Variants in TRIOBP observed in about 807,000 individuals in gnomAD.
TRIOBP encodes TRIO and F-actin binding protein.
A neutral mutation model predicts 238.8 loss-of-function variants in TRIOBP; 169 were observed. The observed-to-expected ratio is 0.71, with a 90% CI of 0.62 to 0.80. The LOEUF (loss-of-function observed/expected upper bound fraction) is 0.80, where lower values mean the gene tolerates loss of function less well. TRIOBP is among the 30% of genes least tolerant of loss of function. The probability of loss-of-function intolerance (pLI) is 0.00; values close to 1 mark genes in which losing one functional copy is unlikely to be tolerated. For missense variants in TRIOBP, 2,838 were observed against 3,122.6 expected, an observed-to-expected ratio of 0.91 and a Z score of 2.17; for synonymous variants, 1,150 against 1,274.4, an observed-to-expected ratio of 0.90 and a Z score of 2.08.
At chr22:37,765,908 A>C in intron 18 of TRIOBP, 91 bp downstream of exon 18, 1 of 1,462,972 alleles carries the variant, frequency 6.8e-7, no homozygotes, top group Non-Finnish European at 9.1e-7. Flanking sequence ...TTTATCAAAT[A>C]AGATGTAGGG....
Position 37,765,803 on chromosome 22 carries a change from C to T in TRIOBP, c.6458C>T (p.Ala2153Val), listed in dbSNP as rs1926463087. ...EKEWLLAEETAATASAIEAMK... is the reference protein window; with the variant it reads ...EKEWLLAEETVATASAIEAMK... The stretch of plus-strand genomic sequence containing the variant: ...GAGTGGCTCCTGGCTGAGGAGACGG[C>T]AGCCACGGCCTCAGGTATGGACCCT... The change falls in exon 18 of 24, where the codon GCA becomes GTA. Residue 2153 changes from alanine (A) to valine (V), a missense_variant. Physicochemically the swap from Ala to Val is moderately conservative, Grantham distance 64. This residue lies in a region of TRIOBP where 2,096 missense variants were observed against 2,137.4 expected (regional missense o/e 0.98). Transcript: ENST00000644935. The T allele has an allele frequency of 1.3e-6, 2 of 1,579,510 alleles. No homozygotes were observed. The highest frequency in any genetic ancestry group is 1.7e-6 in the Non-Finnish European group (2 of 1,170,072).
intron 2 of TRIOBP, 81 bp from the exon 3 acceptor site, chr22:37,701,225 G>T (rs924552459): frequency 1.4e-6 from 1 of 695,100 alleles, no homozygotes; most frequent in East Asian, 2.8e-5. Context: ...TCCTTGTCTG[G>T]AAACTGGGGC....
At chr22:37,710,000 C>A (rs1391235187) in intron 3 of TRIOBP, among the ~76,000 whole-genome samples, 1 of 152,230 alleles carries the variant, frequency 6.6e-6, no homozygotes, top group Non-Finnish European at 1.5e-5. Context: ...CCGCAAAAGA[C>A]CCTGGTGGAT....
rs1926957335 is a variant in TRIOBP, at chr22:37,774,829, C to G, written c.*1049C>G. The G allele has an allele frequency of 7.0e-6, 1 of 142,578 alleles. No homozygotes were observed. The highest frequency in any genetic ancestry group is 1.5e-5 in the Non-Finnish European group (1 of 64,854). The allele number at this position is 142,578 out of a possible 1,614,324, so 8.8% of individuals were successfully genotyped here. A position where few individuals can be genotyped will look rare whatever the true frequency, so the allele number is the denominator to read the frequency against. On this transcript the variant is annotated 3_prime_UTR_variant, in exon 24 of 24. Transcript: ENST00000644935. ...AAGTCTGAGGAGCCCTGGAGTAGGG[C>G]CCAGGGCCCAGGCCTGAGAGAGAGG... is the stretch of plus-strand genomic sequence containing the variant.
intron 11 of TRIOBP, among the ~76,000 whole-genome samples, chr22:37,744,469 G>A (rs1286746877): frequency 6.6e-6 from 1 of 152,232 alleles, no homozygotes; most frequent in African/African-American, 2.4e-5. Flanking sequence ...ATGTAGCACT[G>A]ATCTGTCAGC....
At chr22:37,765,003 C>A (rs778461655) in intron 17 of TRIOBP, among the ~76,000 whole-genome samples, 8 of 152,226 alleles carry the variant, frequency 5.3e-5, no homozygotes, top group Non-Finnish European at 1.2e-4. Flanking sequence ...ACATTCCAGG[C>A]CGGGCACAGT....
At position 37,726,463 on chromosome 22, in the gene TRIOBP, G is replaced by C; in HGVS notation, c.3907G>C (p.Gly1303Arg). 6.4e-7 allele frequency: 1 copy of C among 1,555,030 alleles called. No homozygotes were observed. Among genetic ancestry groups the C allele is most frequent in the South Asian group, 1.2e-5 (1 of 85,678 alleles). Reference sequence around the variant, plus strand: ...CAGCGGGGGCCGCACCCACAGCCCTGGCCGTGCAGAGGTGGAGCGCCTCTT... The same window carrying C: ...CAGCGGGGGCCGCACCCACAGCCCTCGCCGTGCAGAGGTGGAGCGCCTCTT... ...CSSGGRTHSP[G>R]RAEVERLFGQ... Residue 1303 changes from glycine (G) to arginine (R), a missense_variant, in exon 7 of 24, where the codon GGC becomes CGC. Gly to Arg is a moderately radical substitution (Grantham distance 125, BLOSUM62 -2). Transcript: ENST00000644935.
At chr22:37,744,968 C>T (rs911849220) in intron 11 of TRIOBP, among the ~76,000 whole-genome samples, 2 of 152,042 alleles carry the variant, frequency 1.3e-5, no homozygotes, top group African/African-American at 4.8e-5. Context: ...CGGGTTCAAG[C>T]GATTCTCCTG....
intron 18 of TRIOBP, 40 bp from the exon 19 acceptor site, chr22:37,768,034 C>T (rs779165991): frequency 6.4e-7 from 1 of 1,550,612 alleles, no homozygotes; most frequent in Non-Finnish European, 8.8e-7. Context: ...GCTGCTGACC[C>T]CCCTCCAGTC....
At chr22:37,767,317 A>G (rs1304993615) in intron 18 of TRIOBP, among the ~76,000 whole-genome samples, 1 of 146,328 alleles carries the variant, frequency 6.8e-6, no homozygotes, top group Non-Finnish European at 1.5e-5. Context: ...AAAAAAAAAG[A>G]AAGAAAAAAA....
chr22:37,712,375 A>G (rs750460367), intron 4 of TRIOBP, among the ~76,000 whole-genome samples: 19 of 151,806 alleles, frequency 1.3e-4, no homozygotes, highest in Non-Finnish European at 2.6e-4. Flanking sequence ...GCTGTCACCC[A>G]GGCTGGAGCG....
chr22:37,720,951 G>C (rs1159748505), intron 6 of TRIOBP, among the ~76,000 whole-genome samples: 1 of 152,010 alleles, frequency 6.6e-6, no homozygotes. Flanking sequence ...TCCACCTCCC[G>C]GGTTCAAGCA....
intron 7 of TRIOBP, among the ~76,000 whole-genome samples, chr22:37,729,986 G>A (rs1210406921): frequency 1.3e-5 from 2 of 152,076 alleles, no homozygotes; most frequent in East Asian, 1.9e-4. Flanking sequence ...GCATTGTCCC[G>A]AGTCTGGAAA....
intron 18 of TRIOBP, among the ~76,000 whole-genome samples, chr22:37,767,006 A>C (rs35076956): frequency 0.25 from 37,845 of 150,822 alleles, 5,610 homozygotes; most frequent in South Asian, 0.41. Context: ...TAATCCCAGC[A>C]CTTTGGGAGG....
chr22:37,715,978 G>A (rs1569036691), intron 6 of TRIOBP, 44 bp downstream of exon 6: 1 of 1,608,180 alleles, frequency 6.2e-7, no homozygotes, highest in South Asian at 1.1e-5. Context: ...ATGGCCTGGG[G>A]CCCCCCAGAT....
At chr22:37,720,000 C>CCTTTTTTTTTTTT in intron 6 of TRIOBP, among the ~76,000 whole-genome samples, 1 of 54,346 alleles carries the variant, frequency 1.8e-5, no homozygotes, top group Non-Finnish European at 3.2e-5. Context: ...CCCCCCCGCC[C>CCTTTTTTTTTTTT]TTTTTTTTTT....
chr22:37,741,365 G>A (rs940005776), intron 11 of TRIOBP, among the ~76,000 whole-genome samples: 3 of 152,222 alleles, frequency 2.0e-5, no homozygotes, highest in Non-Finnish European at 4.4e-5. Context: ...AAGGGAAGGC[G>A]AGCTTATAAG....
chr22:37,770,046 C>CTTT, intron 21 of TRIOBP, among the ~76,000 whole-genome samples: 1 of 136,106 alleles, frequency 7.3e-6, no homozygotes, highest in Admixed American at 7.3e-5. Context: ...TATTTCTTTA[C>CTTT]TTTTTTTTTT....
chr22:37,758,146 C>A lies in TRIOBP; in HGVS notation c.6213+8C>A, dbSNP rs1268178432. The A allele has an allele frequency of 1.2e-6, 2 of 1,610,710 alleles. No homozygotes were observed. Among genetic ancestry groups the A allele is most frequent in the Non-Finnish European group, 1.7e-6 (2 of 1,179,908 alleles). On this transcript the variant is annotated splice_region_variant and intron_variant, in intron 16 of 23. Transcript: ENST00000644935. ...GAGGCACTGGAGAAGGAGGTAGGCA[C>A]CACGGCTGGCTCTCTAGGAGGCCCC...
Sources: gnomAD v4.1 joint callset for allele counts (sites outside exome capture counted in the v4.1 genomes callset) on GRCh38, gnomAD v4.1.1 for gene constraint, gnomAD v4.1.1 regional missense constraint, MANE v1.5 for transcripts, NCBI Gene and HGNC (gene_info 2026-07-23, HGNC 2026-07-21) for gene names.